SRGAP2B: variants seen among roughly 807,000 people sequenced by gnomAD.
SRGAP2B encodes SLIT-ROBO Rho GTPase-activating protein 2B.
A neutral mutation model predicts 22.2 loss-of-function variants in SRGAP2B; 9 were observed. The ratio of observed to expected loss-of-function variants is 0.41; its 90% CI spans 0.24 to 0.71. SRGAP2B has a LOEUF of 0.71. SRGAP2B is among the 30% of genes least tolerant of loss of function. The probability of loss-of-function intolerance (pLI) is 0.35; values close to 1 mark genes in which losing one functional copy is unlikely to be tolerated. For synonymous variants in SRGAP2B, 36 were observed against 87.4 expected (o/e 0.41, Z 3.28); for missense variants, 114 against 235.8 (o/e 0.48, Z 3.38).
intron 2 of SRGAP2B, among the ~76,000 whole-genome samples, chr1:145,088,392 T>C (rs1553635776): frequency 2.4e-5 from 3 of 127,034 alleles, no homozygotes; most frequent in Non-Finnish European, 5.0e-5. Flanking sequence ...ATGCTCCAGA[T>C]GGAAATTACA....
rs1283456202 is a variant in SRGAP2B, at chr1:144,920,774, T to C, written c.424-6020A>G. 6.0e-4 allele frequency among the ~76,000 whole-genome samples: 90 copies of C among 150,672 alleles called. 1 individual carries two copies. The highest frequency in any genetic ancestry group is 1.0e-3 in the Non-Finnish European group (68 of 67,962). The stretch of plus-strand genomic sequence containing the variant: ...TCATTAATGAGTCATTATACACAGG[T>C]TTAAGAAGACTGGTTACATACAAAA... On this transcript the variant is annotated intron_variant, in intron 4 of 9. Transcript: ENST00000612199.
intron 7 of SRGAP2B, among the ~76,000 whole-genome samples, chr1:144,904,208 T>C (rs1362962134): frequency 6.6e-6 from 1 of 150,420 alleles, no homozygotes; most frequent in Non-Finnish European, 1.5e-5. Context: ...CGTAGTCCTC[T>C]GGACCTTGAG....
intron 3 of SRGAP2B, among the ~76,000 whole-genome samples, chr1:144,966,157 C>T (rs1265533134): frequency 6.7e-6 from 1 of 148,604 alleles, no homozygotes; most frequent in African/African-American, 2.6e-5. Flanking sequence ...AAAGACACTC[C>T]TCGAGAAGAG....
chr1:144,997,444 A>C (rs1382153532), intron 2 of SRGAP2B, among the ~76,000 whole-genome samples: 3 of 149,998 alleles, frequency 2.0e-5, no homozygotes, highest in Admixed American at 6.6e-5. Flanking sequence ...CAAACAACAA[A>C]AAAAAGAACC....
chr1:144,994,263 A>G (rs1670484458), intron 3 of SRGAP2B, among the ~76,000 whole-genome samples: 1 of 142,528 alleles, frequency 7.0e-6, no homozygotes, highest in South Asian at 2.3e-4. Context: ...GCCAGGGTTG[A>G]AAATCTCTGC....
intron 4 of SRGAP2B, among the ~76,000 whole-genome samples, chr1:144,920,681 C>T (rs1239832816): frequency 2.0e-5 from 3 of 149,858 alleles, no homozygotes; most frequent in East Asian, 1.9e-4. Flanking sequence ...ATTATATTCT[C>T]GAGCGACTGT....
intron 3 of SRGAP2B, among the ~76,000 whole-genome samples, chr1:144,964,112 G>C (rs1245677213): frequency 2.9e-4 from 43 of 148,696 alleles, no homozygotes; most frequent in Non-Finnish European, 4.2e-4. Flanking sequence ...TGTGTTATTT[G>C]GATATTTATC....
chr1:144,920,642 C>T (rs1196718653), intron 4 of SRGAP2B, among the ~76,000 whole-genome samples: 2 of 149,078 alleles, frequency 1.3e-5, no homozygotes, highest in Non-Finnish European at 3.0e-5. Flanking sequence ...CTAAAGATCC[C>T]TCCACCTCAG....
chr1:144,931,801 T>C (rs1210008592), intron 4 of SRGAP2B, among the ~76,000 whole-genome samples: 2 of 137,112 alleles, frequency 1.5e-5, no homozygotes, highest in Non-Finnish European at 3.1e-5. Context: ...AGGGCAGTCC[T>C]GTGGAAGCCT....
intron 4 of SRGAP2B, among the ~76,000 whole-genome samples, chr1:144,922,808 G>A (rs1281716401): frequency 6.6e-6 from 1 of 150,708 alleles, no homozygotes; most frequent in Non-Finnish European, 1.5e-5. Flanking sequence ...GTGAAATCCA[G>A]GACCTCTCTC....
intron 2 of SRGAP2B, among the ~76,000 whole-genome samples, chr1:145,009,327 GC>G (rs1297307971): frequency 1.3e-5 from 2 of 150,496 alleles, no homozygotes; most frequent in Non-Finnish European, 2.9e-5. Context: ...GGTGGCTCAC[GC>G]CTGTAATCCC....
rs1240804262 is a variant in SRGAP2B, at chr1:145,008,571, T to TA, written c.68-13372dup. Among the ~76,000 whole-genome samples the TA allele has an allele frequency of 4.3e-5, 6 of 138,416 alleles. 1 individual carries two copies. Among genetic ancestry groups the TA allele is most frequent in the Non-Finnish European group, 9.2e-5 (6 of 65,038 alleles). The allele number at this position is 138,416 out of a possible 152,430, so 90.8% of individuals were successfully genotyped here. A position where few individuals can be genotyped will look rare whatever the true frequency, so the allele number is the denominator to read the frequency against. On this transcript the variant is annotated intron_variant, in intron 2 of 9. Transcript: ENST00000612199. ...TGCCCTCCACAGTTCACGTGAGCACTAGAAATTCAGAGAACACCCAGGAAC... is the reference window on the plus strand; with the variant it reads ...TGCCCTCCACAGTTCACGTGAGCACTAAGAAATTCAGAGAACACCCAGGAAC...
intron 3 of SRGAP2B, among the ~76,000 whole-genome samples, chr1:144,974,837 G>T (rs1380492258): frequency 1.3e-5 from 2 of 148,586 alleles, no homozygotes; most frequent in Non-Finnish European, 2.9e-5. Context: ...AAACAGTACA[G>T]ACAATCATGG....
At chr1:144,911,686 T>A (rs1663424732) in intron 5 of SRGAP2B, among the ~76,000 whole-genome samples, 1 of 146,604 alleles carries the variant, frequency 6.8e-6, no homozygotes, top group African/African-American at 2.6e-5. Context: ...GGCACGATCT[T>A]GGCTCACTGC....
At chr1:144,966,268 G>C (rs1285649331) in intron 3 of SRGAP2B, among the ~76,000 whole-genome samples, 3 of 150,078 alleles carry the variant, frequency 2.0e-5, no homozygotes, top group African/African-American at 7.6e-5. Flanking sequence ...TCAAAGGGAA[G>C]CCCATCAGAC....
At chr1:145,013,776 T>C (rs1481144441) in intron 2 of SRGAP2B, among the ~76,000 whole-genome samples, 3 of 150,350 alleles carry the variant, frequency 2.0e-5, no homozygotes, top group Non-Finnish European at 4.4e-5. Context: ...ATCAACAACC[T>C]TATTGTCTTC....
At chr1:145,092,053 C>T (rs1471179663) in intron 2 of SRGAP2B, among the ~76,000 whole-genome samples, 2 of 149,814 alleles carry the variant, frequency 1.3e-5, no homozygotes, top group African/African-American at 5.0e-5. Flanking sequence ...TTTGCTTTAC[C>T]CTTCACATTT....
intron 3 of SRGAP2B, among the ~76,000 whole-genome samples, chr1:144,974,032 G>A (rs1399644034): frequency 6.6e-6 from 1 of 150,940 alleles, no homozygotes; most frequent in Non-Finnish European, 1.5e-5. Flanking sequence ...AGGACATAAG[G>A]TCCCTAGTCC....
chr1:145,017,852 A>G (rs1468915910), intron 2 of SRGAP2B, among the ~76,000 whole-genome samples: 2 of 150,738 alleles, frequency 1.3e-5, no homozygotes, highest in Admixed American at 6.6e-5. Context: ...GGCTCACAGT[A>G]AAGATTTCTT....
Sources: allele counts gnomAD v4.1 joint callset (sites outside exome capture counted in the v4.1 genomes callset), GRCh38; gene constraint gnomAD v4.1.1; transcripts MANE v1.5; gene names NCBI Gene and HGNC (gene_info 2026-07-23, HGNC 2026-07-21).